The following PIEZO2 variants were observed in gnomAD, a reference collection of about 807,000 sequenced individuals.
PIEZO2 encodes piezo type mechanosensitive ion channel component 2, also known as piezo-type mechanosensitive ion channel component 2.
A neutral mutation model predicts 337.3 loss-of-function variants in PIEZO2; 172 were observed. The observed-to-expected ratio is 0.51, with a 90% CI of 0.45 to 0.58. The LOEUF (loss-of-function observed/expected upper bound fraction) is 0.58. PIEZO2 is among the 20% of genes least tolerant of loss of function. The probability of loss-of-function intolerance (pLI) is 0.00; values close to 1 mark genes in which losing one functional copy is unlikely to be tolerated. For synonymous variants in PIEZO2, 1,251 were observed against 1,228.5 expected (o/e 1.02, Z -0.38); for missense variants, 3,028 against 3,391.3 (o/e 0.89, Z 2.66).
intron 49 of PIEZO2, among the ~76,000 whole-genome samples, chr18:10,688,319 C>G (rs1014897239): frequency 3.3e-5 from 5 of 152,206 alleles, no homozygotes; most frequent in African/African-American, 1.2e-4. Flanking sequence ...ATCCATGTAT[C>G]TGCAAACGAC....
At chr18:10,987,888 G>C (rs1362493151) in intron 2 of PIEZO2, among the ~76,000 whole-genome samples, 2 of 152,182 alleles carry the variant, frequency 1.3e-5, no homozygotes, top group East Asian at 3.9e-4. Context: ...GACCTGAATA[G>C]ATATTTCTCC....
chr18:11,014,406 G>A (rs1598828920), intron 2 of PIEZO2, among the ~76,000 whole-genome samples: 2 of 147,664 alleles, frequency 1.4e-5, no homozygotes, highest in East Asian at 2.1e-4. Context: ...TGTGGAGCAC[G>A]TCACTCTGCG....
intron 3 of PIEZO2, among the ~76,000 whole-genome samples, chr18:10,938,200 G>C (rs2032512661): frequency 6.6e-6 from 1 of 152,144 alleles, no homozygotes; most frequent in Admixed American, 6.5e-5. Flanking sequence ...GAACTAACCG[G>C]GACTGAGGCC....
intron 2 of PIEZO2, among the ~76,000 whole-genome samples, chr18:11,057,884 T>C (rs2037788331): frequency 6.6e-6 from 1 of 152,244 alleles, no homozygotes; most frequent in African/African-American, 2.4e-5. Context: ...CTGATCATCT[T>C]CTTTCTTCTA....
At chr18:10,930,786 T>C (rs766614794) in intron 3 of PIEZO2, among the ~76,000 whole-genome samples, 1 of 152,226 alleles carries the variant, frequency 6.6e-6, no homozygotes, top group African/African-American at 2.4e-5. Context: ...TTATTAAAGA[T>C]AAATTTTTTT....
rs1417503221 is a variant in PIEZO2 at position 10,672,679 on chromosome 18, T to C, written c.8345+11A>G. 9 of 1,607,720 alleles carry C rather than the reference T, an allele frequency of 5.6e-6. No homozygotes were observed. Among genetic ancestry groups the C allele is most frequent in the Non-Finnish European group, 7.6e-6 (9 of 1,178,338 alleles). On this transcript the variant is annotated intron_variant, in intron 55 of 55. Transcript: ENST00000674853. This position sits in a 1 kb window ranked among gnomAD's most constrained non-coding sequence, Gnocchi z 4.7. ...ACTCTTGTAACTGTGAATTGTTCAATGAGTCCTTACCCATAGCCAGCCAGG... is the reference window on the plus strand; with the variant it reads ...ACTCTTGTAACTGTGAATTGTTCAACGAGTCCTTACCCATAGCCAGCCAGG...
chr18:10,704,398 G>C lies in PIEZO2; in HGVS notation c.6254C>G (p.Thr2085Ser). The C allele has an allele frequency of 6.5e-7, 1 of 1,537,138 alleles. No homozygotes were observed. The highest frequency in any genetic ancestry group is 1.2e-5 in the South Asian group (1 of 84,056). ...GGGGTCTGCGTCCAGGCCTACCTCA[G>C]TATAGACGATGGCCATCATCCAGAA... The part of the protein sequence containing the change: ...RRFWMMAIVY[T>S]EVAIVVKYFF... The change falls in exon 42 of 56, where the codon ACT becomes AGT. Residue 2085 changes from threonine (T) to serine (S), a missense_variant. Physicochemically the swap from Thr to Ser is moderately conservative, Grantham distance 58. Coordinates refer to ENST00000674853, the MANE Select transcript of PIEZO2 (RefSeq NM_001378183.1).
chr18:10,966,821 C>A (rs1207510573), intron 3 of PIEZO2, among the ~76,000 whole-genome samples: 1 of 151,974 alleles, frequency 6.6e-6, no homozygotes, highest in Admixed American at 6.6e-5. Flanking sequence ...ATTCTTATAC[C>A]TTTGTTTTCT....
chr18:10,878,615 C>A lies in PIEZO2; in HGVS notation c.330-7200G>T, dbSNP rs2042328551. ...AGTGTATCTAATGAACATTAAATGG[C>A]TCAATTTGACAGAATTTTTAATTCA... On this transcript the variant is annotated intron_variant, in intron 4 of 55. Transcript: ENST00000674853. This position sits in a 1 kb window ranked among gnomAD's most constrained non-coding sequence, Gnocchi z 4.3. Among the ~76,000 whole-genome samples the A allele has an allele frequency of 6.6e-6, 1 of 151,850 alleles. No homozygotes were observed. The highest frequency in any genetic ancestry group is 2.4e-5 in the African/African-American group (1 of 41,304).
In PIEZO2 at chr18:10,680,391, C is replaced by T. The variant is rs1306108089; in HGVS notation, c.7780-20G>A. 6.2e-7 allele frequency: 1 copy of T among 1,608,060 alleles called. No homozygotes were observed. The highest frequency in any genetic ancestry group is 2.2e-5 in the East Asian group (1 of 44,798). On this transcript the variant is annotated intron_variant, in intron 51 of 55. Coordinates refer to ENST00000674853, the MANE Select transcript of PIEZO2 (RefSeq NM_001378183.1). ...AGCACCCTGTATGTGCACAAATGCA[C>T]ATGCATAAATAGATTATATGCATCA...
intron 2 of PIEZO2, among the ~76,000 whole-genome samples, chr18:11,043,965 G>T (rs1195028636): frequency 6.6e-6 from 1 of 152,032 alleles, no homozygotes. Context: ...GAGCCACCGT[G>T]TCTGGCTGGT....
chr18:10,966,192 C>T (rs2033990333), intron 3 of PIEZO2, among the ~76,000 whole-genome samples: 1 of 152,214 alleles, frequency 6.6e-6, no homozygotes, highest in South Asian at 2.1e-4. Context: ...TTCACCAGCT[C>T]CTCAAGCCAG....
intron 47 of PIEZO2, among the ~76,000 whole-genome samples, chr18:10,695,391 T>A (rs2035035965): frequency 6.6e-6 from 1 of 152,128 alleles, no homozygotes; most frequent in Non-Finnish European, 1.5e-5. Flanking sequence ...GGGTTCTAGG[T>A]GACAGAGGGA....
intron 17 of PIEZO2, 115 bp from the exon 18 acceptor site, chr18:10,780,481 C>T (rs899899543): frequency 3.0e-6 from 2 of 656,244 alleles, no homozygotes; most frequent in African/African-American, 1.8e-5. Context: ...TTCCTAGCAT[C>T]AAGTGTAGCC....
At chr18:11,061,948 T>C in intron 2 of PIEZO2, among the ~76,000 whole-genome samples, 1 of 152,166 alleles carries the variant, frequency 6.6e-6, no homozygotes. Context: ...CCCGCATTGC[T>C]AAGTCAATCC....
Position 10,726,966 on chromosome 18 carries a change from C to A in PIEZO2, c.5029+4441G>T. 1 of 1,352,742 alleles carries A rather than the reference C, an allele frequency of 7.4e-7. No individual in the cohort carries two copies. 83.8% of individuals were successfully genotyped at this position (1,352,742 alleles called of 1,614,324 possible). On this transcript the variant is annotated intron_variant, in intron 36 of 55. Coordinates refer to ENST00000674853, the MANE Select transcript of PIEZO2 (RefSeq NM_001378183.1). The surrounding 1 kb of genome is among the most constrained non-coding windows in gnomAD (Gnocchi z 5.9). ...GTAGGTTGAGGGCTGCAGACAGAGG[C>A]CCTGGACAGAAGCTCCAGATAGGCC...
chr18:10,838,423 C>T (rs1358293044), intron 7 of PIEZO2, among the ~76,000 whole-genome samples: 2 of 152,300 alleles, frequency 1.3e-5, no homozygotes, highest in Middle Eastern at 3.4e-3. Context: ...TGCACTGAGT[C>T]CCCTGGGCTC....
intron 3 of PIEZO2, among the ~76,000 whole-genome samples, chr18:10,963,815 T>C (rs2033888782): frequency 1.3e-5 from 2 of 152,246 alleles, no homozygotes; most frequent in African/African-American, 4.8e-5. Flanking sequence ...ATCTGCATTT[T>C]GAAGTCCTCC....
chr18:11,108,741 T>A (rs1242664722), intron 1 of PIEZO2, among the ~76,000 whole-genome samples: 2 of 151,790 alleles, frequency 1.3e-5, no homozygotes, highest in African/African-American at 2.4e-5. Context: ...GTCTGTCTCA[T>A]GTTAGGGGAA....
Sources: gnomAD v4.1 joint callset for allele counts (sites outside exome capture counted in the v4.1 genomes callset) on GRCh38, gnomAD v4.1.1 for gene constraint, Gnocchi (gnomAD v3.1) non-coding constraint, MANE v1.5 for transcripts, NCBI Gene and HGNC (gene_info 2026-07-23, HGNC 2026-07-21) for gene names.